PTPRG: variants seen among roughly 807,000 people sequenced by gnomAD.
PTPRG encodes the protein receptor-type tyrosine-protein phosphatase gamma.
Under a neutral mutation model 165.3 loss-of-function variants are expected in PTPRG, and 102 were observed. That is an observed-to-expected ratio of 0.62 (90% CI 0.53 to 0.73). The LOEUF is 0.73. Among genes scored for constraint, PTPRG ranks in the 30% least tolerant of loss-of-function variants. The probability of loss-of-function intolerance (pLI) is 0.00; values close to 1 mark genes in which losing one functional copy is unlikely to be tolerated. For synonymous variants in PTPRG, 675 were observed against 669.5 expected (o/e 1.01, Z -0.13); for missense variants, 1,866 against 1,861.4 (o/e 1.00, Z -0.05).
At chr3:61,875,987 C>T (rs1335368195) in intron 2 of PTPRG, among the ~76,000 whole-genome samples, 1 of 152,060 alleles carries the variant, frequency 6.6e-6, no homozygotes, top group African/African-American at 2.4e-5. Context: ...TGACTAAAGG[C>T]AGTCTTTCTT....
At chr3:61,883,795 C>A (rs138519163) in intron 2 of PTPRG, among the ~76,000 whole-genome samples, 1 of 152,174 alleles carries the variant, frequency 6.6e-6, no homozygotes, top group Non-Finnish European at 1.5e-5. Flanking sequence ...ACTGTAGCCC[C>A]TACCTCTCAG....
At chr3:61,852,928 G>A (rs1033154020) in intron 2 of PTPRG, among the ~76,000 whole-genome samples, 7 of 152,202 alleles carry the variant, frequency 4.6e-5, no homozygotes, top group Non-Finnish European at 1.0e-4. Flanking sequence ...TCACCTTTAT[G>A]AGTAAAGTAG....
intron 5 of PTPRG, among the ~76,000 whole-genome samples, chr3:62,115,050 C>A (rs547410919): frequency 5.9e-5 from 9 of 152,206 alleles, no homozygotes; most frequent in African/African-American, 2.2e-4. Flanking sequence ...CTGACTGTTG[C>A]AATTATACAG....
intron 2 of PTPRG, among the ~76,000 whole-genome samples, chr3:61,838,307 C>T (rs536617532): frequency 1.3e-5 from 2 of 152,264 alleles, no homozygotes; most frequent in East Asian, 3.9e-4. Flanking sequence ...AATAATTAAC[C>T]CTAGAAGTTG....
intron 2 of PTPRG, among the ~76,000 whole-genome samples, chr3:61,850,053 A>T (rs2036918255): frequency 6.6e-6 from 1 of 152,150 alleles, no homozygotes; most frequent in South Asian, 2.1e-4. Flanking sequence ...CTTCTTCTCA[A>T]ATAAAAGCTA....
intron 1 of PTPRG, among the ~76,000 whole-genome samples, chr3:61,604,471 C>T (rs999364331): frequency 6.6e-6 from 1 of 152,196 alleles, no homozygotes; most frequent in African/African-American, 2.4e-5. Flanking sequence ...TCAGATCATA[C>T]AAATAAACAT....
chr3:62,135,727 C>T (rs1018444287), intron 6 of PTPRG, among the ~76,000 whole-genome samples: 7 of 152,010 alleles, frequency 4.6e-5, no homozygotes, highest in African/African-American at 1.4e-4. Flanking sequence ...TGGAGAAGGA[C>T]CAGGGGTTGG....
intron 5 of PTPRG, among the ~76,000 whole-genome samples, chr3:62,116,339 G>T (rs1240795677): frequency 6.6e-6 from 1 of 152,114 alleles, no homozygotes; most frequent in African/African-American, 2.4e-5. Flanking sequence ...ACCCTACTCT[G>T]ATGTGCTTTA....
chr3:61,954,430 C>G (rs1240177847), intron 2 of PTPRG, among the ~76,000 whole-genome samples: 1 of 152,078 alleles, frequency 6.6e-6, no homozygotes, highest in Non-Finnish European at 1.5e-5. Flanking sequence ...ATCTCAGACT[C>G]TTAGGGCTGG....
At chr3:61,952,124 A>G (rs887349760) in intron 2 of PTPRG, among the ~76,000 whole-genome samples, 11 of 150,802 alleles carry the variant, frequency 7.3e-5, no homozygotes, top group African/African-American at 2.2e-4. Flanking sequence ...CTCAGAAAAA[A>G]AAAAAAAAAA....
At chr3:62,171,920 C>G (rs998352778) in intron 8 of PTPRG, among the ~76,000 whole-genome samples, 1 of 152,182 alleles carries the variant, frequency 6.6e-6, no homozygotes, top group Non-Finnish European at 1.5e-5. Context: ...ATGTCCCTCC[C>G]TCCCTTCCTC....
intron 2 of PTPRG, among the ~76,000 whole-genome samples, chr3:61,920,113 C>T (rs1447376266): frequency 6.6e-6 from 1 of 152,190 alleles, no homozygotes; most frequent in Non-Finnish European, 1.5e-5. Context: ...ATAGGGAGAT[C>T]CCACATGCCT....
At chr3:61,769,460 A>C (rs1375914634) in intron 2 of PTPRG, 2 of 152,226 alleles carry the variant, frequency 1.3e-5, no homozygotes, top group African/African-American at 4.8e-5. Context: ...TTTCATAGAG[A>C]TGGAGTCTCA....
chr3:61,839,489 A>C (rs1240075084), intron 2 of PTPRG, among the ~76,000 whole-genome samples: 3 of 152,234 alleles, frequency 2.0e-5, no homozygotes, highest in African/African-American at 7.2e-5. Context: ...GAAGGCTGGA[A>C]TTTCTGGGAA....
chr3:61,706,740 T>G (rs542111187), intron 1 of PTPRG, among the ~76,000 whole-genome samples: 1 of 152,292 alleles, frequency 6.6e-6, no homozygotes, highest in South Asian at 2.1e-4. Context: ...TCCACCCGCC[T>G]CAGCCTCCCA....
At chr3:62,085,106 C>T (rs1260851034) in intron 5 of PTPRG, among the ~76,000 whole-genome samples, 1 of 152,190 alleles carries the variant, frequency 6.6e-6, no homozygotes, top group Non-Finnish European at 1.5e-5. Context: ...ACCAACCCAC[C>T]TTTCCCTAGC....
At chr3:61,594,481 A>G (rs1485263482) in intron 1 of PTPRG, among the ~76,000 whole-genome samples, 3 of 151,972 alleles carry the variant, frequency 2.0e-5, no homozygotes, top group Admixed American at 6.6e-5. Flanking sequence ...CAGTGATTAC[A>G]AATACTGCCT....
At chr3:61,738,254 A>ATT (rs199683150) in intron 1 of PTPRG, among the ~76,000 whole-genome samples, 15 of 87,824 alleles carry the variant, frequency 1.7e-4, no homozygotes, top group Admixed American at 5.7e-4. Flanking sequence ...TTCTTTGTCC[A>ATT]TTTTTATATA....
chr3:61,755,795 T>C (rs917261850), intron 2 of PTPRG, among the ~76,000 whole-genome samples: 5 of 152,222 alleles, frequency 3.3e-5, no homozygotes, highest in Admixed American at 6.5e-5. Flanking sequence ...AGTTAGACTA[T>C]GGACAGCCTT....
Sources: allele counts gnomAD v4.1 joint callset (sites outside exome capture counted in the v4.1 genomes callset), GRCh38; gene constraint gnomAD v4.1.1; transcripts MANE v1.5; gene names NCBI Gene and HGNC (gene_info 2026-07-23, HGNC 2026-07-21).